Variants in UAP1 observed in about 807,000 individuals in gnomAD.
UAP1 encodes UDP-N-acetylglucosamine pyrophosphorylase 1.
A neutral mutation model predicts 58.5 loss-of-function variants in UAP1; 25 were observed. The observed-to-expected ratio is 0.43, with a 90% CI of 0.31 to 0.60. UAP1 has a LOEUF of 0.60. Ranked by LOEUF, UAP1 falls within the 20% of genes least tolerant of loss-of-function variation. The pLI, the probability that UAP1 is intolerant of heterozygous loss-of-function variation, is 0.11. For missense variants in UAP1, 575 were observed against 630.0 expected, an observed-to-expected ratio of 0.91 and a Z score of 0.93; for synonymous variants, 208 against 213.0, an observed-to-expected ratio of 0.98 and a Z score of 0.21.
intron 7 of UAP1, among the ~76,000 whole-genome samples, chr1:162,589,965 C>T (rs572604109): frequency 1.3e-4 from 19 of 151,094 alleles, no homozygotes; most frequent in Admixed American, 9.2e-4. Context: ...AGTGAGACTC[C>T]GTCTCAAAAA....
At chr1:162,589,142 T>TATATATAA (rs1655107101) in intron 7 of UAP1, among the ~76,000 whole-genome samples, 1 of 102,308 alleles carries the variant, frequency 9.8e-6, no homozygotes, top group Admixed American at 1.5e-4. Context: ...ATTTATATAT[T>TATATATAA]TATATAATAT....
rs371860365 is a variant in UAP1 at position 162,590,661 on chromosome 1, G to A, written c.1358+150G>A. ...CAGTTCCTGATGTGAAATAACAGTA[G>A]CTTTGCCTATTATAAAGAGAATGAT... is the stretch of plus-strand genomic sequence containing the variant. On this transcript the variant is annotated intron_variant, in intron 8 of 10. Coordinates refer to ENST00000271469, the Ensembl canonical transcript of UAP1. 7.5e-4 allele frequency: 375 copies of A among 497,036 alleles called. 4 individuals are homozygous for A. The Middle Eastern group carries it at 0.018, about 24-fold the overall frequency. The allele number at this position is 497,036 out of a possible 1,614,324, so 30.8% of individuals were successfully genotyped here. A position where few individuals can be genotyped will look rare whatever the true frequency, so the allele number is the denominator to read the frequency against.
chr1:162,588,580 C>T (rs750779144), intron 6 of UAP1, 113 bp from the exon 7 acceptor site: 31 of 1,098,204 alleles, frequency 2.8e-5, no homozygotes, highest in Non-Finnish European at 3.5e-5. Context: ...AAATGCTCTT[C>T]ACTTTGAAAA....
intron 1 of UAP1, among the ~76,000 whole-genome samples, 161 bp from the exon 2 acceptor site, chr1:162,565,851 A>C (rs1371262983): frequency 6.6e-6 from 1 of 152,210 alleles, no homozygotes; most frequent in Non-Finnish European, 1.5e-5. Context: ...GGTACATATT[A>C]TTGTCTTACA....
intron 10 of UAP1, 90 bp downstream of exon 10, chr1:162,597,948 TAAAG>T (rs975710229): frequency 1.2e-5 from 14 of 1,190,368 alleles, no homozygotes; most frequent in Admixed American, 2.1e-5. Flanking sequence ...GTTCTCACCA[TAAAG>T]AAAGGATAAG....
exon 5 of UAP1, chr1:162,581,411 A>G (rs1341717422): frequency 1.2e-6 from 2 of 1,614,090 alleles, no homozygotes; most frequent in Non-Finnish European, 1.7e-6. Flanking sequence ...TGGCAGACCC[A>G]CGGTTCATTG....
intron 8 of UAP1, among the ~76,000 whole-genome samples, chr1:162,591,791 T>G (rs1655326965): frequency 7.0e-6 from 1 of 143,106 alleles, no homozygotes; most frequent in South Asian, 2.1e-4. Context: ...TGGCCAATCT[T>G]TTTTTTTTTT....
intron 6 of UAP1, 69 bp downstream of exon 6, chr1:162,587,737 G>A (rs1051467377): frequency 1.4e-5 from 21 of 1,462,974 alleles, no homozygotes; most frequent in Non-Finnish European, 1.9e-5. Context: ...ACTTGAGAGG[G>A]ATGCAGACAC....
chr1:162,566,258 A>G, exon 2 of UAP1: 1 of 1,614,140 alleles, frequency 6.2e-7, no homozygotes. Flanking sequence ...TCACCAAAAG[A>G]ATGTGGATGC....
intron 5 of UAP1, among the ~76,000 whole-genome samples, chr1:162,582,481 A>G (rs890484727): frequency 6.6e-6 from 1 of 152,214 alleles, no homozygotes; most frequent in African/African-American, 2.4e-5. Context: ...AGAAGAACAC[A>G]TTTTATAAAA....
chr1:162,579,602 A>G, exon 4 of UAP1: 1 of 1,561,802 alleles, frequency 6.4e-7, no homozygotes, highest in Non-Finnish European at 8.7e-7. Context: ...CTATGGCTCC[A>G]GGTTTGTAAT....
intron 5 of UAP1, 45 bp downstream of exon 5, chr1:162,581,504 C>T (rs760342584): frequency 1.0e-5 from 16 of 1,544,116 alleles, no homozygotes; most frequent in Non-Finnish European, 1.1e-5. Flanking sequence ...TGGTCTTGCT[C>T]TGTCATATAC....
At chr1:162,581,523 G>C (rs1470338077) in intron 5 of UAP1, 64 bp downstream of exon 5, 1 of 1,478,336 alleles carries the variant, frequency 6.8e-7, no homozygotes, top group East Asian at 2.3e-5. Flanking sequence ...ACGCATTCCA[G>C]AAGTCAAACC....
intron 9 of UAP1, 97 bp downstream of exon 9, chr1:162,592,879 C>A (rs973915339): frequency 4.4e-6 from 5 of 1,137,964 alleles, no homozygotes; most frequent in African/African-American, 3.1e-5. Flanking sequence ...TTTTGGGGGT[C>A]TGGAGGGAGG....
intron 10 of UAP1, 129 bp downstream of exon 10, chr1:162,597,987 T>C: frequency 1.3e-6 from 1 of 750,556 alleles, no homozygotes; most frequent in Non-Finnish European, 2.2e-6. Flanking sequence ...GATATGTTAA[T>C]TGGCTTTATT....
At chr1:162,585,251 T>C (rs1484943023) in intron 5 of UAP1, among the ~76,000 whole-genome samples, 1 of 126,134 alleles carries the variant, frequency 7.9e-6, no homozygotes, top group Non-Finnish European at 1.7e-5. Context: ...AAGTTTATAC[T>C]GTATATCTTT....
At chr1:162,600,340 G>A (rs1020098131), downstream of UAP1, among the ~76,000 whole-genome samples, 5 of 151,946 alleles carry the variant, frequency 3.3e-5, no homozygotes, top group Non-Finnish European at 7.4e-5. Context: ...TTTTGTTATT[G>A]TTGTTGTTAT....
At chr1:162,573,876 A>G (rs929475198) in intron 2 of UAP1, among the ~76,000 whole-genome samples, 4 of 151,778 alleles carry the variant, frequency 2.6e-5, no homozygotes, top group Non-Finnish European at 5.9e-5. Context: ...GGGTGGGAGG[A>G]TCACTCGAAC....
chr1:162,590,719 G>A (rs1158921080), intron 8 of UAP1, among the ~76,000 whole-genome samples: 1 of 151,936 alleles, frequency 6.6e-6, no homozygotes, highest in Non-Finnish European at 1.5e-5. Flanking sequence ...GAGTCTTTCA[G>A]ATCTCTCTTT....
Sources: allele counts gnomAD v4.1 joint callset (sites outside exome capture counted in the v4.1 genomes callset), GRCh38; gene constraint gnomAD v4.1.1; transcripts MANE v1.5; gene names NCBI Gene and HGNC (gene_info 2026-07-23, HGNC 2026-07-21).